The following AGBL1 variants were observed in gnomAD, a reference collection of about 807,000 sequenced individuals.
AGBL1 encodes AGBL carboxypeptidase 1, also known as cytosolic carboxypeptidase 4.
Under a neutral mutation model 118.9 loss-of-function variants are expected in AGBL1, and 130 were observed. The observed-to-expected ratio is 1.09, with a 90% confidence interval of 0.95 to 1.26. AGBL1 has a LOEUF of 1.26. AGBL1 is among the 50% of genes most tolerant of loss of function. The pLI, the probability that AGBL1 is intolerant of heterozygous loss-of-function variation, is 0.00. For missense variants in AGBL1, 1,584 were observed against 1,298.1 expected, an observed-to-expected ratio of 1.22 and a Z score of -3.38; for synonymous variants, 555 against 478.9, an observed-to-expected ratio of 1.16 and a Z score of -2.08.
chr15:86,601,362 T>A (rs2084490032), intron 21 of AGBL1, among the ~76,000 whole-genome samples: 1 of 152,140 alleles, frequency 6.6e-6, no homozygotes, highest in African/African-American at 2.4e-5. Context: ...TTTCCAAGTA[T>A]GTGTTGCTTA....
intron 17 of AGBL1, among the ~76,000 whole-genome samples, chr15:86,387,675 C>G (rs1172269093): frequency 6.6e-6 from 1 of 152,156 alleles, no homozygotes. Context: ...GATCATTATC[C>G]TTCAATCAGT....
At chr15:86,876,903 A>T (rs2079817761) in intron 22 of AGBL1, among the ~76,000 whole-genome samples, 1 of 152,190 alleles carries the variant, frequency 6.6e-6, no homozygotes, top group African/African-American at 2.4e-5. Flanking sequence ...GTTTGAATGA[A>T]TGGATGCATG....
intron 5 of AGBL1, among the ~76,000 whole-genome samples, chr15:86,170,741 G>T (rs1430800520): frequency 1.3e-5 from 2 of 151,994 alleles, no homozygotes. Flanking sequence ...AGCTACTCAG[G>T]AGGCTGAGGC....
At chr15:86,414,954 G>C (rs1461012024) in intron 18 of AGBL1, among the ~76,000 whole-genome samples, 1 of 152,192 alleles carries the variant, frequency 6.6e-6, no homozygotes, top group Non-Finnish European at 1.5e-5. Context: ...CAGTCTCCAA[G>C]ATGGAGACTT....
chr15:86,538,268 G>A (rs1037620548), intron 19 of AGBL1, among the ~76,000 whole-genome samples: 3 of 152,160 alleles, frequency 2.0e-5, no homozygotes, highest in Admixed American at 6.5e-5. Flanking sequence ...TGAGTCTCTC[G>A]CTTTGGGAAA....
chr15:86,123,570 C>G (rs186362416), intron 1 of AGBL1, among the ~76,000 whole-genome samples: 7 of 152,282 alleles, frequency 4.6e-5, no homozygotes, highest in Admixed American at 4.6e-4. Context: ...TAAGTCATTC[C>G]TTTCTATTGA....
rs550817512 is a variant in AGBL1, at chr15:86,849,841, G to C, written c.3159-57246G>C. On this transcript the variant is annotated intron_variant, in intron 22 of 22. Transcript: ENST00000614907. ...AAGGTTCTCCTGCCTCAGCAACACT[G>C]TGCTTGCTTTAGAAACAGAGTGAGT... Among the ~76,000 whole-genome samples, 3 of 152,346 alleles carry C rather than the reference G, an allele frequency of 2.0e-5. No homozygotes were observed. In the South Asian group the frequency reaches 6.2e-4, roughly 32 times the overall value.
At chr15:86,837,042 T>A (rs1410089507) in intron 22 of AGBL1, among the ~76,000 whole-genome samples, 2 of 152,164 alleles carry the variant, frequency 1.3e-5, no homozygotes, top group African/African-American at 4.8e-5. Flanking sequence ...GAAAAGGGCT[T>A]GGAAGACAGC....
chr15:86,168,450 A>C (rs1308023587), intron 5 of AGBL1, among the ~76,000 whole-genome samples: 4 of 152,158 alleles, frequency 2.6e-5, no homozygotes, highest in Non-Finnish European at 4.4e-5. Context: ...CCTTAACCCA[A>C]TTTTTCTTTT....
chr15:86,804,486 C>A (rs2078691560), intron 22 of AGBL1, among the ~76,000 whole-genome samples: 1 of 152,058 alleles, frequency 6.6e-6, no homozygotes, highest in African/African-American at 2.4e-5. Flanking sequence ...AACAAAAAAA[C>A]CCAAATCAAA....
chr15:86,162,815 T>G (rs1318260400), intron 5 of AGBL1, among the ~76,000 whole-genome samples: 4 of 152,172 alleles, frequency 2.6e-5, no homozygotes, highest in Admixed American at 2.6e-4. Flanking sequence ...AGTGTGGCAT[T>G]CCCTCTTCTT....
chr15:86,712,286 G>T (rs1395627204), intron 22 of AGBL1, among the ~76,000 whole-genome samples: 1 of 151,830 alleles, frequency 6.6e-6, no homozygotes. Flanking sequence ...TTGTAAGTTT[G>T]TTGAGCATAA....
intron 23 of AGBL1, among the ~76,000 whole-genome samples, chr15:86,928,723 C>T (rs1596644151): frequency 6.6e-6 from 1 of 152,164 alleles, no homozygotes; most frequent in African/African-American, 2.4e-5. Context: ...CCAATCTCTT[C>T]TAACTACAAT....
intron 24 of AGBL1, among the ~76,000 whole-genome samples, chr15:87,009,606 G>C (rs1412723139): frequency 1.3e-5 from 2 of 152,188 alleles, no homozygotes; most frequent in Non-Finnish European, 2.9e-5. Context: ...TCCACTGACA[G>C]CTTGCACTAT....
At chr15:86,399,644 A>C (rs999484286) in intron 18 of AGBL1, among the ~76,000 whole-genome samples, 1 of 152,186 alleles carries the variant, frequency 6.6e-6, no homozygotes, top group Non-Finnish European at 1.5e-5. Context: ...TAGTTTCTTC[A>C]ATTTTAAATG....
chr15:86,392,767 A>G (rs2081307695), intron 17 of AGBL1, among the ~76,000 whole-genome samples: 1 of 152,196 alleles, frequency 6.6e-6, no homozygotes, highest in Admixed American at 6.5e-5. Context: ...TAGCTTTAAG[A>G]ATAAAAATCT....
rs553904237 is a variant in AGBL1, at chr15:86,779,385, C to A, written c.3158+104949C>A. Among the ~76,000 whole-genome samples, 21 of 152,222 alleles carry A rather than the reference C, an allele frequency of 1.4e-4. No individual in the cohort carries two copies. The South Asian group carries it at 4.0e-3, about 29-fold the overall frequency. On this transcript the variant is annotated intron_variant, in intron 22 of 22. Transcript: ENST00000614907. ...TTTATAGCATTTGGTTAAAGAGGCCCACATGCACTAAGACAGTATTCCATT... is the reference window on the plus strand; with the variant it reads ...TTTATAGCATTTGGTTAAAGAGGCCAACATGCACTAAGACAGTATTCCATT...
At chr15:86,545,411 ACCTT>A (rs375673097) in intron 19 of AGBL1, among the ~76,000 whole-genome samples, 329 of 152,124 alleles carry the variant, frequency 2.2e-3, no homozygotes, top group African/African-American at 7.0e-3. Context: ...ATTTTTTTTA[ACCTT>A]CAAGTTCAGG....
intron 15 of AGBL1, among the ~76,000 whole-genome samples, chr15:86,273,171 G>A (rs915517743): frequency 2.6e-5 from 4 of 152,106 alleles, no homozygotes; most frequent in African/African-American, 7.2e-5. Flanking sequence ...TGCTCCTCTT[G>A]GAATTGGGGA....
Sources: gnomAD v4.1 joint callset for allele counts (sites outside exome capture counted in the v4.1 genomes callset) on GRCh38, gnomAD v4.1.1 for gene constraint, MANE v1.5 for transcripts, NCBI Gene and HGNC (gene_info 2026-07-23, HGNC 2026-07-21) for gene names.